The following TRPM6 variants were observed in gnomAD, a reference collection of about 807,000 sequenced individuals.
The protein encoded by TRPM6 is channel kinase 2.
A neutral mutation model predicts 247.6 loss-of-function variants in TRPM6; 111 were observed. That is an observed-to-expected ratio of 0.45 (90% CI 0.38 to 0.52). The LOEUF (loss-of-function observed/expected upper bound fraction) is 0.52. Ranked by LOEUF, TRPM6 falls within the 20% of genes least tolerant of loss-of-function variation. The pLI, the probability that TRPM6 is intolerant of heterozygous loss-of-function variation, is 0.00. For missense variants in TRPM6, 2,126 were observed against 2,421.5 expected (o/e 0.88, Z 2.56); for synonymous variants, 892 against 853.8 (o/e 1.04, Z -0.78).
intron 33 of TRPM6, among the ~76,000 whole-genome samples, 163 bp downstream of exon 33, chr9:74,742,398 C>T (rs1298843369): frequency 6.6e-6 from 1 of 152,186 alleles, no homozygotes; most frequent in African/African-American, 2.4e-5. Flanking sequence ...CTGGCCATGA[C>T]AGTTAACAAG....
At chr9:74,730,825 T>C (rs1183363651) in intron 37 of TRPM6, among the ~76,000 whole-genome samples, 1 of 152,178 alleles carries the variant, frequency 6.6e-6, no homozygotes, top group Non-Finnish European at 1.5e-5. Flanking sequence ...TCTTGTTATC[T>C]TGACCATGAA....
At chr9:74,877,146 A>G (rs1042170851) in intron 1 of TRPM6, among the ~76,000 whole-genome samples, 1 of 152,236 alleles carries the variant, frequency 6.6e-6, no homozygotes, top group African/African-American at 2.4e-5. Flanking sequence ...AGTTGCTTTG[A>G]AACAAATTCT....
rs111272929 is a variant in TRPM6, at chr9:74,812,159, G to A, written c.1443+140C>T. 0.022 allele frequency: 23,716 copies of A among 1,083,182 alleles called. 336 individuals are homozygous for A. The highest frequency in any genetic ancestry group is 0.026 in the Non-Finnish European group (19,245 of 731,504). 67.1% of individuals were successfully genotyped at this position (1,083,182 alleles called of 1,614,324 possible). ...TGTTGGGGAAAGAAGCCTGGAACTA[G>A]ATCCAGCTTCAGATAATAGGGAAGT... is the stretch of plus-strand genomic sequence containing the variant. On this transcript the variant is annotated intron_variant, in intron 12 of 38. Transcript: ENST00000360774.
rs145804205 is a variant in TRPM6 at position 74,736,695 on chromosome 9, T to C, written c.5776+1712A>G. Among the ~76,000 whole-genome samples the C allele has an allele frequency of 9.2e-5, 14 of 152,362 alleles. No homozygotes were observed. The East Asian group carries it at 2.7e-3, about 29-fold the overall frequency. ...TTCTATGATGTCCACTCTTTCCTTC[T>C]TTGAAGGTCAATGTTTTGACATCGT... On this transcript the variant is annotated intron_variant, in intron 36 of 38. Transcript: ENST00000360774.
chr9:74,851,792 A>C (rs1010521303), intron 3 of TRPM6, among the ~76,000 whole-genome samples: 1 of 139,848 alleles, frequency 7.2e-6, no homozygotes, highest in African/African-American at 2.6e-5. Context: ...TATATATATA[A>C]TATATATATT....
At chr9:74,874,650 AC>A (rs1490687808) in intron 1 of TRPM6, among the ~76,000 whole-genome samples, 1 of 152,174 alleles carries the variant, frequency 6.6e-6, no homozygotes, top group African/African-American at 2.4e-5. Flanking sequence ...CTTTGAAATG[AC>A]CCAAAAAGGC....
chr9:74,794,797 GAGA>G (rs1012654638), intron 18 of TRPM6, among the ~76,000 whole-genome samples: 40 of 151,804 alleles, frequency 2.6e-4, no homozygotes, highest in African/African-American at 8.7e-4. Flanking sequence ...TTTTTTTACT[GAGA>G]AGAAGGTAAA....
At chr9:74,873,774 A>C (rs1831102345) in intron 1 of TRPM6, among the ~76,000 whole-genome samples, 2 of 152,198 alleles carry the variant, frequency 1.3e-5, no homozygotes, top group Admixed American at 6.5e-5. Context: ...TTAACAGAAA[A>C]AAATCTTTTA....
chr9:74,857,552 C>A (rs1306891969), intron 2 of TRPM6: 3 of 152,216 alleles, frequency 2.0e-5, no homozygotes, highest in African/African-American at 7.2e-5. Context: ...CTATCTTTCA[C>A]TAGTTGCTTT....
At chr9:74,860,898 A>G (rs957365714) in intron 1 of TRPM6, among the ~76,000 whole-genome samples, 1 of 152,062 alleles carries the variant, frequency 6.6e-6, no homozygotes, top group African/African-American at 2.4e-5. Context: ...GCATGTGCCT[A>G]TAATTCCCAG....
intron 1 of TRPM6, 70 bp downstream of exon 1, chr9:74,887,754 G>A: frequency 5.6e-6 from 9 of 1,613,750 alleles, no homozygotes; most frequent in Non-Finnish European, 7.6e-6. Context: ...TTCTATCTAA[G>A]GCCGGGGGCG....
intron 1 of TRPM6, among the ~76,000 whole-genome samples, chr9:74,866,917 A>G (rs1018874015): frequency 1.3e-5 from 2 of 152,236 alleles, no homozygotes; most frequent in African/African-American, 4.8e-5. Flanking sequence ...TTTACCACAT[A>G]TGAAATTAAA....
intron 4 of TRPM6, among the ~76,000 whole-genome samples, chr9:74,841,192 G>C (rs1829927751): frequency 6.6e-6 from 1 of 152,090 alleles, no homozygotes. Flanking sequence ...AAAAGATGAG[G>C]GAAATCAAAG....
At chr9:74,880,038 G>A (rs947044974) in intron 1 of TRPM6, among the ~76,000 whole-genome samples, 13 of 152,050 alleles carry the variant, frequency 8.5e-5, no homozygotes, top group South Asian at 2.1e-4. Context: ...CCTGGCATCC[G>A]CTGCTTGATG....
intron 31 of TRPM6, among the ~76,000 whole-genome samples, chr9:74,746,312 CT>C (rs1826045585): frequency 1.3e-5 from 2 of 151,668 alleles, no homozygotes; most frequent in African/African-American, 4.8e-5. Flanking sequence ...GAAAGATTTA[CT>C]GATAGATGGG....
rs374137465 is a variant in TRPM6 at position 74,820,357 on chromosome 9, G to A, written c.1081C>T (p.Gln361Ter). The A allele has an allele frequency of 2.3e-5, 37 of 1,613,976 alleles. No individual in the cohort carries two copies. The highest frequency in any genetic ancestry group is 3.0e-5 in the Non-Finnish European group (35 of 1,179,982). The part of the protein sequence containing the change: ...IQNTFNFSLK[Q>*]SKHLFQILME... ...AGAATTTGGAAAAGGTGCTTGGACT[G>A]TTTAAGACTAAAGTTGAAAGTGTTC... The change falls in exon 9 of 39, where the codon CAG becomes TAG. Residue 361 changes from glutamine (Q) to a stop codon, truncating the protein, a stop_gained. Coordinates refer to ENST00000360774, the MANE Select transcript of TRPM6 (RefSeq NM_017662.5). LOFTEE classifies it high-confidence loss of function.
chr9:74,837,214 T>C (rs1303608629), intron 5 of TRPM6, among the ~76,000 whole-genome samples: 1 of 152,220 alleles, frequency 6.6e-6, no homozygotes, highest in Non-Finnish European at 1.5e-5. Context: ...CTGTCAAGAA[T>C]AGACAGGAGC....
chr9:74,875,489 G>C (rs987350165), intron 1 of TRPM6, among the ~76,000 whole-genome samples: 20 of 152,120 alleles, frequency 1.3e-4, no homozygotes, highest in Non-Finnish European at 2.9e-5. Context: ...GTTGCAGTGA[G>C]CCAAGATCGT....
At chr9:74,830,749 GTTTTTTTTTTTTTTTTT>G (rs71368685) in intron 6 of TRPM6, among the ~76,000 whole-genome samples, 4 of 87,262 alleles carry the variant, frequency 4.6e-5, no homozygotes, top group African/African-American at 2.0e-4. Flanking sequence ...GCTAATTTTT[GTTTTTTTTTTTTTTTTT>G]TTTTTTTTTT....
Sources: allele counts gnomAD v4.1 joint callset (sites outside exome capture counted in the v4.1 genomes callset), GRCh38; gene constraint gnomAD v4.1.1; transcripts MANE v1.5; gene names NCBI Gene and HGNC (gene_info 2026-07-23, HGNC 2026-07-21).